The following STIP1 variants were observed in gnomAD, a reference collection of about 807,000 sequenced individuals.
The protein encoded by STIP1 is stress induced phosphoprotein 1.
A neutral mutation model predicts 77.4 loss-of-function variants in STIP1; 16 were observed. That is an observed-to-expected ratio of 0.21 (90% CI 0.14 to 0.31). STIP1 has a LOEUF of 0.31. STIP1 is among the 10% of genes least tolerant of loss of function. The probability of loss-of-function intolerance (pLI) is 1.00; values close to 1 mark genes in which losing one functional copy is unlikely to be tolerated. For synonymous variants in STIP1, 258 were observed against 246.6 expected, an observed-to-expected ratio of 1.05 and a Z score of -0.44; for missense variants, 524 against 684.8, an observed-to-expected ratio of 0.77 and a Z score of 2.62.
chr11:64,196,145 C>T (rs540617431), intron 5 of STIP1, among the ~76,000 whole-genome samples: 27 of 152,200 alleles, frequency 1.8e-4, no homozygotes, highest in African/African-American at 6.0e-4. Flanking sequence ...CCTATAATCC[C>T]AGCACTTTTG....
intron 1 of STIP1, among the ~76,000 whole-genome samples, chr11:64,189,927 G>T (rs1946072665): frequency 6.6e-6 from 1 of 151,596 alleles, no homozygotes; most frequent in Admixed American, 6.6e-5. Flanking sequence ...GGTTCCTTCT[G>T]CCCTTGCCTC....
chr11:64,189,052 T>C (rs551017206), intron 1 of STIP1, among the ~76,000 whole-genome samples: 2 of 152,002 alleles, frequency 1.3e-5, no homozygotes, highest in Non-Finnish European at 2.9e-5. Context: ...CCGTCTCTAG[T>C]AAAAATACAA....
intron 1 of STIP1, chr11:64,186,519 T>A (rs1946019691): frequency 3.6e-6 from 1 of 275,616 alleles, no homozygotes; most frequent in Admixed American, 6.1e-5. Flanking sequence ...GGCCACAGCT[T>A]GGGTGAGTCC....
chr11:64,186,315 C>T lies in STIP1; in HGVS notation c.9+45C>T, dbSNP rs1049772165. 44 of 1,105,632 alleles carry T rather than the reference C, an allele frequency of 4.0e-5. No individual in the cohort carries two copies. The Admixed American group carries it at 1.3e-3, about 32-fold the overall frequency. 68.5% of individuals were successfully genotyped at this position (1,105,632 alleles called of 1,614,324 possible). On this transcript the variant is annotated intron_variant, in intron 1 of 13. Coordinates refer to ENST00000305218, the MANE Select transcript of STIP1 (RefSeq NM_006819.3). ...CTGAGGCCCCGAGCCTGCTCGGGGA[C>T]CGGCGGTGGCCAGGCCGCGGTAGGG...
intron 2 of STIP1, 160 bp downstream of exon 2, chr11:64,193,447 T>TAGCC: frequency 1.5e-6 from 1 of 672,784 alleles, no homozygotes; most frequent in South Asian, 1.9e-5. Context: ...AAATCTAAGG[T>TAGCC]AGCCATTAGT....
Position 64,200,287 on chromosome 11 carries a change from A to G in STIP1, c.1239A>G (p.Ala413=), listed in dbSNP as rs1472465825. Residue 413 remains alanine (A), a synonymous_variant, in exon 10 of 14, where the codon GCA becomes GCG. Transcript: ENST00000305218. The part of the protein sequence containing the change: ...CYTKLLEFQL[A]LKDCEECIQL... ...CCAAACTCCTGGAGTTCCAGCTGGC[A>G]CTCAAGGTGACGAGACCTGTGGGGG... 6.2e-7 allele frequency: 1 copy of G among 1,610,074 alleles called. No individual in the cohort carries two copies. The highest frequency in any genetic ancestry group is 1.1e-5 in the South Asian group (1 of 90,758).
At chr11:64,191,629 T>C (rs185703924) in intron 1 of STIP1, among the ~76,000 whole-genome samples, 30 of 152,130 alleles carry the variant, frequency 2.0e-4, no homozygotes, top group Non-Finnish European at 3.7e-4. Context: ...ATAAATACAA[T>C]GAGCTTCTCA....
At chr11:64,203,004 A>G in intron 11 of STIP1, 92 bp downstream of exon 11, 1 of 1,602,190 alleles carries the variant, frequency 6.2e-7, no homozygotes, top group South Asian at 1.1e-5. Flanking sequence ...TGTCCTTGGG[A>G]CCTGTAGGAT....
At chr11:64,192,802 G>GC (rs1178129755) in intron 1 of STIP1, among the ~76,000 whole-genome samples, 2 of 152,240 alleles carry the variant, frequency 1.3e-5, no homozygotes, top group Non-Finnish European at 2.9e-5. Context: ...GGCTTCGTGA[G>GC]CTCCATGTGG....
Position 64,194,639 on chromosome 11 carries a change from C to G in STIP1, c.503+19C>G, listed in dbSNP as rs751328865. ...TGGGCACGTAAGTGGACGCCGCTCA[C>G]TGAGGTTCTGGAAATCGGGGAATGT... On this transcript the variant is annotated intron_variant, in intron 4 of 13. Coordinates refer to ENST00000305218, the MANE Select transcript of STIP1 (RefSeq NM_006819.3). The G allele has an allele frequency of 1.9e-6, 3 of 1,608,944 alleles. No individual in the cohort carries two copies. The South Asian group carries it at 3.3e-5, about 18-fold the overall frequency.
rs564438306 is a variant in STIP1, at chr11:64,199,196, C to T, written c.1024-744C>T. Among the ~76,000 whole-genome samples, 5 of 115,864 alleles carry T rather than the reference C, an allele frequency of 4.3e-5. No individual in the cohort carries two copies. The South Asian group carries it at 1.1e-3, about 26-fold the overall frequency. 76.0% of individuals were successfully genotyped at this position (115,864 alleles called of 152,430 possible). ...AGCCTGGGTGAGAGTGAGACTCCAT[C>T]TCAAAAAAAAAAATCTTGCCAGCAA... is the stretch of plus-strand genomic sequence containing the variant. On this transcript the variant is annotated intron_variant, in intron 8 of 13. Transcript: ENST00000305218.
intron 13 of STIP1, 74 bp from the exon 14 acceptor site, chr11:64,203,980 A>T: frequency 6.4e-7 from 1 of 1,568,028 alleles, no homozygotes; most frequent in Non-Finnish European, 8.8e-7. Context: ...AGGGGGTTGA[A>T]TTGGGGCTTG....
At chr11:64,194,425 CAG>C in intron 3 of STIP1, 52 bp from the exon 4 acceptor site, 1 of 1,612,160 alleles carries the variant, frequency 6.2e-7, no homozygotes, top group Non-Finnish European at 8.5e-7. Context: ...GTATGGGACA[CAG>C]TAATTCTAGT....
At chr11:64,185,848 A>T, upstream of STIP1, 1 of 1,536,108 alleles carries the variant, frequency 6.5e-7, no homozygotes, top group South Asian at 1.2e-5. Context: ...GCCCAATGGG[A>T]GAGGTGGAAA....
intron 5 of STIP1, among the ~76,000 whole-genome samples, chr11:64,196,389 C>CTT (rs1013217549): frequency 7.3e-6 from 1 of 136,144 alleles, no homozygotes; most frequent in African/African-American, 2.7e-5. Flanking sequence ...GAGCGAGACT[C>CTT]CATCTCAAAA....
In STIP1 at chr11:64,204,364, T is replaced by C. The variant is rs1946260311; in HGVS notation, c.*238T>C. 5.9e-6 allele frequency: 3 copies of C among 505,054 alleles called. No homozygotes were observed. Among genetic ancestry groups the C allele is most frequent in the Non-Finnish European group, 6.9e-6 (2 of 288,698 alleles). 31.3% of individuals were successfully genotyped at this position (505,054 alleles called of 1,614,324 possible). A position where few individuals can be genotyped will look rare whatever the true frequency, so the allele number is the denominator to read the frequency against. ...CGCTGCCCTCGAGTTCCATGTCTCT[T>C]TCCCCTGCCCCTAGTTGCTGTCTCG... On this transcript the variant is annotated 3_prime_UTR_variant, in exon 14 of 14. Coordinates refer to ENST00000305218, the MANE Select transcript of STIP1 (RefSeq NM_006819.3).
chr11:64,186,893 G>C (rs983626171), intron 1 of STIP1, among the ~76,000 whole-genome samples: 2 of 152,164 alleles, frequency 1.3e-5, no homozygotes, highest in African/African-American at 4.8e-5. Flanking sequence ...GACTCTACCT[G>C]ATGCGGGAAA....
At chr11:64,200,986 C>G (rs1276918582) in intron 10 of STIP1, among the ~76,000 whole-genome samples, 1 of 150,428 alleles carries the variant, frequency 6.6e-6, no homozygotes, top group East Asian at 1.9e-4. Context: ...CTCAGCCTCC[C>G]AAAGTGCTAG....
rs1946110584 is a variant in STIP1 at position 64,193,072 on chromosome 11, C to T, written c.10-6C>T. 6 of 1,613,766 alleles carry T rather than the reference C, an allele frequency of 3.7e-6. No individual in the cohort carries two copies. Among genetic ancestry groups the T allele is most frequent in the East Asian group, 2.2e-5 (1 of 44,900 alleles). On this transcript the variant is annotated splice_region_variant and splice_polypyrimidine_tract_variant and intron_variant, in intron 1 of 13. Coordinates refer to ENST00000305218, the MANE Select transcript of STIP1 (RefSeq NM_006819.3). Reference sequence around the variant, plus strand: ...ATAGAGAAGCTGTGTGTTCCTTTCCCCTCAGGTCAATGAGCTGAAGGAGAA... The same window carrying T: ...ATAGAGAAGCTGTGTGTTCCTTTCCTCTCAGGTCAATGAGCTGAAGGAGAA...
Sources: gnomAD v4.1 joint callset for allele counts (sites outside exome capture counted in the v4.1 genomes callset) on GRCh38, gnomAD v4.1.1 for gene constraint, MANE v1.5 for transcripts, NCBI Gene and HGNC (gene_info 2026-07-23, HGNC 2026-07-21) for gene names.